ZBTB20: variants seen among roughly 807,000 people sequenced by gnomAD.
ZBTB20 encodes the protein zinc finger and BTB domain containing 20.
In ZBTB20, 9 loss-of-function variants were observed where a neutral mutation model predicts 56.9. That is an observed-to-expected ratio of 0.16 (90% CI 0.10 to 0.28). The LOEUF (loss-of-function observed/expected upper bound fraction) is 0.28. ZBTB20 is among the 10% of genes least tolerant of loss of function. The pLI, the probability that ZBTB20 is intolerant of heterozygous loss-of-function variation, is 1.00. For synonymous variants in ZBTB20, 417 were observed against 420.7 expected, an observed-to-expected ratio of 0.99 and a Z score of 0.11; for missense variants, 655 against 1,003.0, an observed-to-expected ratio of 0.65 and a Z score of 4.69.
At chr3:114,859,263 CCTTCCATTCTTCCTTCCTTCCTTT>C (rs2075389234) in intron 4 of ZBTB20, among the ~76,000 whole-genome samples, 1 of 60,806 alleles carries the variant, frequency 1.6e-5, no homozygotes, top group Non-Finnish European at 5.8e-5. Context: ...TTTCCTCCTT[CCTTCCATTCTTCCTTCCTTCCTTT>C]CTTCCTTCCT....
intron 6 of ZBTB20, among the ~76,000 whole-genome samples, chr3:114,527,789 T>C (rs933753252): frequency 3.3e-5 from 5 of 152,212 alleles, no homozygotes; most frequent in African/African-American, 1.2e-4. Flanking sequence ...ATAAGAGACT[T>C]ATTATTTAAT....
At chr3:114,437,314 T>C (rs560039081) in intron 7 of ZBTB20, among the ~76,000 whole-genome samples, 3 of 152,312 alleles carry the variant, frequency 2.0e-5, no homozygotes, top group South Asian at 2.1e-4. Context: ...TGTTGCTCCA[T>C]GGTTGTGCTG....
rs1044346328 is a variant in ZBTB20 at position 114,315,340 on chromosome 3, C to G, written c.*23665G>C. ...CTCTCCCTCTTTCCAAACTCTTCCT[C>G]AATTCCCAGGTCTTTGTTCTGAAAA... is the stretch of plus-strand genomic sequence containing the variant. On this transcript the variant is annotated 3_prime_UTR_variant, in exon 12 of 12. Coordinates refer to ENST00000675478, the MANE Select transcript of ZBTB20 (RefSeq NM_001348800.3). The G allele has an allele frequency of 2.6e-5, 4 of 152,168 alleles. No individual in the cohort carries two copies. The highest frequency in any genetic ancestry group is 2.1e-4 in the South Asian group (1 of 4,836). 9.4% of individuals were successfully genotyped at this position (152,168 alleles called of 1,614,324 possible).
chr3:114,714,557 C>G, intron 5 of ZBTB20, among the ~76,000 whole-genome samples: 1 of 151,026 alleles, frequency 6.6e-6, no homozygotes, highest in Admixed American at 6.6e-5. Flanking sequence ...AAAAAAAAAG[C>G]TAAATAAAGA....
At chr3:114,824,828 A>T (rs928073861) in intron 4 of ZBTB20, among the ~76,000 whole-genome samples, 6 of 151,794 alleles carry the variant, frequency 4.0e-5, no homozygotes, top group Non-Finnish European at 5.9e-5. Flanking sequence ...AAAAACTACC[A>T]CTTTGTATTT....
At chr3:114,847,195 A>G (rs528091329) in intron 4 of ZBTB20, among the ~76,000 whole-genome samples, 22 of 151,784 alleles carry the variant, frequency 1.4e-4, no homozygotes, top group Non-Finnish European at 2.8e-4. Context: ...CACAAGGGCT[A>G]TTTTTCACAA....
At chr3:114,979,476 C>A (rs1201143017) in intron 2 of ZBTB20, among the ~76,000 whole-genome samples, 2 of 151,752 alleles carry the variant, frequency 1.3e-5, no homozygotes, top group African/African-American at 4.8e-5. Context: ...AACATATGAC[C>A]CTACAACATA....
intron 3 of ZBTB20, among the ~76,000 whole-genome samples, chr3:114,922,323 T>C (rs1205909249): frequency 6.6e-6 from 1 of 152,112 alleles, no homozygotes; most frequent in African/African-American, 2.4e-5. Context: ...TTGGAATTCT[T>C]AGCCAGAGCA....
chr3:114,394,257 G>A (rs746269622), intron 7 of ZBTB20, among the ~76,000 whole-genome samples: 4 of 152,156 alleles, frequency 2.6e-5, no homozygotes, highest in South Asian at 2.1e-4. Context: ...ATGGGCTTAC[G>A]TAACAGGTCG....
At chr3:114,776,388 G>A (rs72956222) in intron 5 of ZBTB20, among the ~76,000 whole-genome samples, 3,026 of 152,238 alleles carry the variant, frequency 0.02, 102 homozygotes, top group African/African-American at 0.068. Flanking sequence ...ATTCCACATG[G>A]ACAGAAGAGG....
intron 6 of ZBTB20, among the ~76,000 whole-genome samples, chr3:114,690,343 T>C (rs191479107): frequency 3.6e-4 from 55 of 152,312 alleles, no homozygotes; most frequent in Non-Finnish European, 4.3e-4. Flanking sequence ...ATTCAGTTTA[T>C]ACTGATGCAG....
At chr3:115,034,312 A>G (rs921289625) in intron 2 of ZBTB20, among the ~76,000 whole-genome samples, 4 of 151,728 alleles carry the variant, frequency 2.6e-5, no homozygotes, top group African/African-American at 4.8e-5. Context: ...ATATCATATG[A>G]TCTCATATGT....
At chr3:114,998,254 C>T (rs1314552119) in intron 2 of ZBTB20, among the ~76,000 whole-genome samples, 4 of 151,664 alleles carry the variant, frequency 2.6e-5, no homozygotes, top group Non-Finnish European at 5.9e-5. Context: ...ATTTGGATTT[C>T]ATCAATTTGT....
At chr3:114,612,845 T>C (rs1181873020) in intron 6 of ZBTB20, among the ~76,000 whole-genome samples, 1 of 152,190 alleles carries the variant, frequency 6.6e-6, no homozygotes, top group Non-Finnish European at 1.5e-5. Context: ...TGGTACACCA[T>C]ATAGTATGCC....
intron 6 of ZBTB20, among the ~76,000 whole-genome samples, chr3:114,646,845 T>C (rs919004954): frequency 6.6e-6 from 1 of 152,200 alleles, no homozygotes; most frequent in East Asian, 1.9e-4. Context: ...GAAGGGATGG[T>C]TTAAGAGTTA....
At chr3:114,504,548 G>T (rs1229929275) in intron 6 of ZBTB20, among the ~76,000 whole-genome samples, 1 of 152,278 alleles carries the variant, frequency 6.6e-6, no homozygotes, top group Non-Finnish European at 1.5e-5. Context: ...AAAGAAAACA[G>T]ATACTGTTCT....
At chr3:114,995,202 T>A (rs1233187765) in intron 2 of ZBTB20, among the ~76,000 whole-genome samples, 4 of 152,034 alleles carry the variant, frequency 2.6e-5, no homozygotes, top group Non-Finnish European at 2.9e-5. Flanking sequence ...GAACTTCAAC[T>A]ATTTCTGCAA....
intron 7 of ZBTB20, among the ~76,000 whole-genome samples, chr3:114,442,937 G>T (rs1559795240): frequency 6.6e-6 from 1 of 152,238 alleles, no homozygotes; most frequent in East Asian, 1.9e-4. Context: ...ACAGAAATGT[G>T]TAGCTGAACT....
chr3:114,884,152 C>A (rs1472416896), intron 4 of ZBTB20, among the ~76,000 whole-genome samples: 1 of 151,402 alleles, frequency 6.6e-6, no homozygotes, highest in Non-Finnish European at 1.5e-5. Flanking sequence ...GTGTCGATCT[C>A]CTGACCTCGT....
Sources: gnomAD v4.1 joint callset for allele counts (sites outside exome capture counted in the v4.1 genomes callset) on GRCh38, gnomAD v4.1.1 for gene constraint, MANE v1.5 for transcripts, NCBI Gene and HGNC (gene_info 2026-07-23, HGNC 2026-07-21) for gene names.